Variants in CDH23 observed in about 807,000 individuals in gnomAD.
CDH23 encodes cadherin related 23, also known as cadherin-23.
In CDH23, 189 loss-of-function variants were observed where a neutral mutation model predicts 317.1. The ratio of observed to expected loss-of-function variants is 0.60; its 90% confidence interval spans 0.53 to 0.67. CDH23 has a LOEUF of 0.67. Among genes scored for constraint, CDH23 ranks in the 30% least tolerant of loss-of-function variants. The pLI, the probability that CDH23 is intolerant of heterozygous loss-of-function variation, is 0.00. For synonymous variants in CDH23, 1,839 were observed against 1,876.8 expected (o/e 0.98, Z 0.52); for missense variants, 4,401 against 4,592.4 (o/e 0.96, Z 1.20).
intron 11 of CDH23, chr10:71,635,291 C>T (rs1441557973): frequency 6.5e-6 from 1 of 152,768 alleles, no homozygotes; most frequent in Admixed American, 6.5e-5. Context: ...AAGGTCTGCA[C>T]GTGCAGGTGA....
chr10:71,497,282 A>G (rs1333345567), intron 3 of CDH23, among the ~76,000 whole-genome samples: 3 of 152,128 alleles, frequency 2.0e-5, no homozygotes, highest in Non-Finnish European at 4.4e-5. Flanking sequence ...GAACAATTCA[A>G]TGAATTGAAA....
chr10:71,532,660 C>CTTCTGATG (rs1439392160), intron 6 of CDH23, among the ~76,000 whole-genome samples: 1 of 151,024 alleles, frequency 6.6e-6, no homozygotes, highest in Non-Finnish European at 1.5e-5. Context: ...ATACTAAGGC[C>CTTCTGATG]TTCTGATGAG....
chr10:71,618,476 G>T (rs1861305594), intron 11 of CDH23, among the ~76,000 whole-genome samples: 1 of 152,090 alleles, frequency 6.6e-6, no homozygotes, highest in South Asian at 2.1e-4. Context: ...CCATCTCCCT[G>T]CCTGTCAGCA....
chr10:71,629,969 T>A lies in CDH23; in HGVS notation c.1134+12576T>A, dbSNP rs373545370. 4.6e-5 allele frequency among the ~76,000 whole-genome samples: 7 copies of A among 152,336 alleles called. No individual in the cohort carries two copies. In the East Asian group the frequency reaches 9.6e-4, roughly 21 times the overall value. ...ATTGTTCGCTCTCAAATGGTTAAAA[T>A]GATGACCTTTATGTTATATGAATTG... is the stretch of plus-strand genomic sequence containing the variant. On this transcript the variant is annotated intron_variant, in intron 11 of 69. Coordinates refer to ENST00000224721, the MANE Select transcript of CDH23 (RefSeq NM_022124.6).
At chr10:71,682,004 A>G (rs1371307157) in intron 17 of CDH23, among the ~76,000 whole-genome samples, 2 of 152,118 alleles carry the variant, frequency 1.3e-5, no homozygotes, top group Non-Finnish European at 2.9e-5. Flanking sequence ...AGCAGCTTCC[A>G]GACTGACGGG....
intron 9 of CDH23, among the ~76,000 whole-genome samples, chr10:71,585,173 G>C (rs993516026): frequency 1.3e-5 from 2 of 152,144 alleles, no homozygotes; most frequent in African/African-American, 4.8e-5. Flanking sequence ...GCAGGCTCTG[G>C]TGATGTACTG....
chr10:71,651,386 T>C (rs79101935), intron 14 of CDH23, among the ~76,000 whole-genome samples: 1 of 90,044 alleles, frequency 1.1e-5, no homozygotes, highest in South Asian at 3.4e-4. Flanking sequence ...AAAAAAAAAA[T>C]GCCAGCTGTG....
At chr10:71,662,435 G>A (rs540757721) in intron 14 of CDH23, among the ~76,000 whole-genome samples, 67 of 152,250 alleles carry the variant, frequency 4.4e-4, no homozygotes, top group African/African-American at 1.2e-4. Context: ...TGACACCTGC[G>A]TATCCCACAG....
chr10:71,642,382 T>C lies in CDH23; in HGVS notation c.1135-1479T>C, dbSNP rs550299422. 1.3e-3 allele frequency among the ~76,000 whole-genome samples: 189 copies of C among 144,236 alleles called. 1 individual carries two copies. The highest frequency in any genetic ancestry group is 1.4e-3 in the Non-Finnish European group (91 of 66,302). 94.6% of individuals were successfully genotyped at this position (144,236 alleles called of 152,430 possible). A position where few individuals can be genotyped will look rare whatever the true frequency, so the allele number is the denominator to read the frequency against. On this transcript the variant is annotated intron_variant, in intron 11 of 69. Transcript: ENST00000224721. Reference sequence around the variant, plus strand: ...TGGGAAGGTGCATTGGCCCAGAAGCTGGCCCGGCCTCTTTTTTTTTTTTTT... The same window carrying C: ...TGGGAAGGTGCATTGGCCCAGAAGCCGGCCCGGCCTCTTTTTTTTTTTTTT...
In CDH23 at chr10:71,777,952, T is replaced by C. The variant is rs1264340441; in HGVS notation, c.5067+51T>C. On this transcript the variant is annotated intron_variant, in intron 39 of 69. Transcript: ENST00000224721. ...ACAAGGGGCGAAACCTATCCAGGGA[T>C]TGGCAAGGAGTTCAGTGACACTGGA... 3.1e-6 allele frequency: 5 copies of C among 1,593,876 alleles called. No individual in the cohort carries two copies. The African/African-American group carries it at 4.0e-5, about 13-fold the overall frequency.
chr10:71,803,982 C>CAA lies in CDH23; in HGVS notation c.7872+581_7872+582dup, dbSNP rs35814351. 7.2e-3 allele frequency among the ~76,000 whole-genome samples: 937 copies of CAA among 130,678 alleles called. 12 individuals are homozygous for CAA. Among genetic ancestry groups the CAA allele is most frequent in the South Asian group, 0.012 (49 of 3,970 alleles). 85.7% of individuals were successfully genotyped at this position (130,678 alleles called of 152,430 possible). A position where few individuals can be genotyped will look rare whatever the true frequency, so the allele number is the denominator to read the frequency against. On this transcript the variant is annotated intron_variant, in intron 55 of 69. Transcript: ENST00000224721. ...CCCGGGCAACAGAGTGAGACTTTGT[C>CAA]AAAAAAAAAAAAAAAAAAAATCTTT... is the stretch of plus-strand genomic sequence containing the variant.
chr10:71,411,051 G>A (rs1848325231), intron 1 of CDH23, among the ~76,000 whole-genome samples: 1 of 152,192 alleles, frequency 6.6e-6, no homozygotes, highest in South Asian at 2.1e-4. Flanking sequence ...TACAGATGTA[G>A]TCTTGATATT....
chr10:71,483,194 C>T (rs1467396770), intron 3 of CDH23, among the ~76,000 whole-genome samples: 1 of 152,206 alleles, frequency 6.6e-6, no homozygotes, highest in Non-Finnish European at 1.5e-5. Context: ...GTCCTTAGGA[C>T]TTGGTGACCC....
chr10:71,428,779 G>A (rs989198016), intron 1 of CDH23, among the ~76,000 whole-genome samples: 1 of 151,934 alleles, frequency 6.6e-6, no homozygotes, highest in Non-Finnish European at 1.5e-5. Context: ...TAGTAGAGAC[G>A]GGTTTTTACC....
intron 9 of CDH23, among the ~76,000 whole-genome samples, chr10:71,613,080 T>G (rs1482954409): frequency 6.6e-6 from 1 of 152,124 alleles, no homozygotes; most frequent in Non-Finnish European, 1.5e-5. Context: ...AACTCCTGAC[T>G]TCAAGTGATC....
intron 30 of CDH23, among the ~76,000 whole-genome samples, chr10:71,728,769 A>G (rs971130698): frequency 3.3e-5 from 5 of 152,176 alleles, no homozygotes; most frequent in African/African-American, 9.7e-5. Context: ...CCCAGCATAG[A>G]GCAAAGAGCT....
At position 71,444,747 on chromosome 10, in the gene CDH23, C is replaced by T. The variant is rs1296069459; in HGVS notation, c.68-1571C>T. ...TGCCATACCCAGATGCCAACCTTCT[C>T]ACCCTCTGGGAGCCTGGCACATGCT... On this transcript the variant is annotated intron_variant, in intron 2 of 69. Coordinates refer to ENST00000224721, the MANE Select transcript of CDH23 (RefSeq NM_022124.6). 2.0e-5 allele frequency among the ~76,000 whole-genome samples: 3 copies of T among 152,222 alleles called. No individual in the cohort carries two copies. In the East Asian group the frequency reaches 5.8e-4, roughly 29 times the overall value.
chr10:71,573,133 A>G (rs551648026), intron 8 of CDH23, among the ~76,000 whole-genome samples: 4 of 152,342 alleles, frequency 2.6e-5, no homozygotes, highest in Admixed American at 2.0e-4. Context: ...CATAAAACAC[A>G]CAGCAAGTGC....
rs1006530352 is a variant in CDH23, at chr10:71,446,512, C to T, written c.145+117C>T. The T allele has an allele frequency of 1.0e-5, 11 of 1,079,004 alleles. No individual in the cohort carries two copies. The African/African-American group carries it at 1.5e-4, about 15-fold the overall frequency. 66.8% of individuals were successfully genotyped at this position (1,079,004 alleles called of 1,614,324 possible). A position where few individuals can be genotyped will look rare whatever the true frequency, so the allele number is the denominator to read the frequency against. On this transcript the variant is annotated intron_variant, in intron 3 of 69. Transcript: ENST00000224721. ...TTCCACCTGATTTTGGAATCTTTTCCATTGTGTAGAAAGGCCCCTGCTAGG... is the reference window on the plus strand; with the variant it reads ...TTCCACCTGATTTTGGAATCTTTTCTATTGTGTAGAAAGGCCCCTGCTAGG...
Sources: allele counts gnomAD v4.1 joint callset (sites outside exome capture counted in the v4.1 genomes callset), GRCh38; gene constraint gnomAD v4.1.1; transcripts MANE v1.5; gene names NCBI Gene and HGNC (gene_info 2026-07-23, HGNC 2026-07-21).